TF: variants seen among roughly 807,000 people sequenced by gnomAD.
TF encodes transferrin.
Under a neutral mutation model 82.4 loss-of-function variants are expected in TF, and 55 were observed. The observed-to-expected ratio is 0.67, with a 90% CI of 0.54 to 0.84. The LOEUF is 0.84. TF is among the 40% of genes least tolerant of loss of function. The pLI is 0.00. For missense variants in TF, 737 were observed against 868.4 expected (o/e 0.85, Z 1.90); for synonymous variants, 332 against 332.6 (o/e 1.00, Z 0.02).
At chr3:133,774,992 C>T (rs1934350287) in intron 14 of TF, 6 of 337,176 alleles carry the variant, frequency 1.8e-5, no homozygotes, top group South Asian at 1.5e-4. Context: ...ATTTAAAATT[C>T]TGGTGCAGAT....
chr3:133,733,874 A>C, the TF span, among the ~76,000 whole-genome samples: 101 of 151,246 alleles, frequency 6.7e-4, no homozygotes, highest in Non-Finnish European at 9.1e-4. Flanking sequence ...AAACAAAAAA[A>C]AAAAAAACAT....
Position 133,789,883 on chromosome 3 carries a change from T to C in TF, c.*11263T>C, listed in dbSNP as rs910077613. ...AAACAAAACGATCTCGTTTGCGTTT[T>C]TTTTTTTTTTTTTTTTTTTTTTTTT... On this transcript the variant is annotated 3_prime_UTR_variant, in exon 17 of 17. Transcript: ENST00000402696. 2 of 38,464 alleles carry C rather than the reference T, an allele frequency of 5.2e-5. No homozygotes were observed. Among genetic ancestry groups the C allele is most frequent in the African/African-American group, 1.3e-4 (2 of 15,480 alleles). The allele number at this position is 38,464 out of a possible 1,614,324, so 2.4% of individuals were successfully genotyped here.
rs895586211 is a variant in TF at position 133,783,086 on chromosome 3, G to A, written c.*4466G>A. ...CTAGAGATCTAATGTACAACATAAG[G>A]ACCACAGTATAGGTAATAAATTCTA... On this transcript the variant is annotated 3_prime_UTR_variant, in exon 17 of 17. Transcript: ENST00000402696. 6.6e-6 allele frequency: 1 copy of A among 152,188 alleles called. No individual in the cohort carries two copies. Among genetic ancestry groups the A allele is most frequent in the Non-Finnish European group, 1.5e-5 (1 of 68,046 alleles). The allele number at this position is 152,188 out of a possible 1,614,324, so 9.4% of individuals were successfully genotyped here. A position where few individuals can be genotyped will look rare whatever the true frequency, so the allele number is the denominator to read the frequency against.
At chr3:133,695,613 C>T in the TF span, among the ~76,000 whole-genome samples, 5 of 152,110 alleles carry the variant, frequency 3.3e-5, no homozygotes, top group Non-Finnish European at 7.4e-5. Flanking sequence ...ACTCAAGTTG[C>T]CTTATATCTA....
At chr3:133,704,320 T>A in the TF span, 6 of 224,962 alleles carry the variant, frequency 2.7e-5, no homozygotes, top group Non-Finnish European at 5.9e-5. Context: ...CTACAGTAAG[T>A]GGAGGGGAGT....
At chr3:133,696,769 A>G in the TF span, among the ~76,000 whole-genome samples, 2 of 150,884 alleles carry the variant, frequency 1.3e-5, no homozygotes, top group East Asian at 1.9e-4. Context: ...CATTATTGCC[A>G]TGGACAAAAG....
At chr3:133,686,398 A>G in the TF span, among the ~76,000 whole-genome samples, 1 of 152,260 alleles carries the variant, frequency 6.6e-6, no homozygotes, top group East Asian at 1.9e-4. Flanking sequence ...AACTACCATC[A>G]GAGTGAACAG....
chr3:133,759,712 C>T (rs910601610), intron 9 of TF, among the ~76,000 whole-genome samples: 1 of 152,120 alleles, frequency 6.6e-6, no homozygotes, highest in Non-Finnish European at 1.5e-5. Flanking sequence ...GTATCCTAGC[C>T]TGGCATGGTG....
At chr3:133,669,720 G>A in the TF span, among the ~76,000 whole-genome samples, 11 of 152,326 alleles carry the variant, frequency 7.2e-5, no homozygotes, top group East Asian at 1.3e-3. Context: ...AGCTATGAAA[G>A]TGAACTCCCC....
the TF span, chr3:133,694,168 G>A: frequency 0.023 from 3,516 of 152,976 alleles, 70 homozygotes; most frequent in African/African-American, 0.045. Context: ...ACGACCTGGA[G>A]GTCCCAGCCA....
At chr3:133,714,469 A>T in the TF span, among the ~76,000 whole-genome samples, 1 of 152,334 alleles carries the variant, frequency 6.6e-6, no homozygotes, top group Middle Eastern at 3.4e-3. Context: ...ATTTTCACAG[A>T]TCTACAACAA....
chr3:133,720,746 A>AT, the TF span, among the ~76,000 whole-genome samples: 2 of 152,034 alleles, frequency 1.3e-5, no homozygotes, highest in African/African-American at 4.8e-5. Flanking sequence ...TTGATGGAAG[A>AT]TTTTTTATTA....
Position 133,792,718 on chromosome 3 carries a change from GA to G in TF, c.*14099del, listed in dbSNP as rs1341175007. 6.6e-6 allele frequency: 1 copy of G among 152,114 alleles called. No individual in the cohort carries two copies. The highest frequency in any genetic ancestry group is 1.5e-5 in the Non-Finnish European group (1 of 68,016). 9.4% of individuals were successfully genotyped at this position (152,114 alleles called of 1,614,324 possible). ...GATTATAACAAGGCATGGGAATGTA[GA>G]TTTTTTTTTCTGTCTAAAGGGTTAA... On this transcript the variant is annotated 3_prime_UTR_variant, in exon 17 of 17. Transcript: ENST00000402696.
chr3:133,689,644 AAAT>A, the TF span, among the ~76,000 whole-genome samples: 2 of 152,202 alleles, frequency 1.3e-5, no homozygotes, highest in Non-Finnish European at 2.9e-5. Context: ...TACCATATTT[AAAT>A]AACAGTGATA....
At chr3:133,721,602 T>C in the TF span, among the ~76,000 whole-genome samples, 2 of 152,248 alleles carry the variant, frequency 1.3e-5, no homozygotes, top group Non-Finnish European at 2.9e-5. Flanking sequence ...TAGGCCAATT[T>C]GATCTATGAT....
At chr3:133,717,469 C>A in the TF span, among the ~76,000 whole-genome samples, 1 of 152,214 alleles carries the variant, frequency 6.6e-6, no homozygotes, top group East Asian at 1.9e-4. Context: ...TTCTCCCCTG[C>A]AGGGTGGGTT....
At chr3:133,664,920 G>A in the TF span, 4 of 152,140 alleles carry the variant, frequency 2.6e-5, no homozygotes, top group Middle Eastern at 3.4e-3. Flanking sequence ...GGAAGCTGAG[G>A]TTTCGGTGCT....
rs151219561 is a variant in TF at position 133,766,066 on chromosome 3, G to A, written c.1331-212G>A. Among the ~76,000 whole-genome samples, 15 of 152,322 alleles carry A rather than the reference G, an allele frequency of 9.8e-5. No individual in the cohort carries two copies. In the East Asian group the frequency reaches 1.4e-3, roughly 14 times the overall value. On this transcript the variant is annotated intron_variant, in intron 11 of 16. Transcript: ENST00000402696. ...ACACCCAGCCATTGATCTAATGATG[G>A]TGTTTTCACAATATTTTGTTTTTAA... is the stretch of plus-strand genomic sequence containing the variant.
At chr3:133,761,938 G>C (rs1934005824) in intron 9 of TF, 1 of 161,954 alleles carries the variant, frequency 6.2e-6, no homozygotes, top group Non-Finnish European at 1.4e-5. Context: ...GAGGAAGGTG[G>C]ATACTTTAAT....
Sources: allele counts gnomAD v4.1 joint callset (sites outside exome capture counted in the v4.1 genomes callset), GRCh38; gene constraint gnomAD v4.1.1; transcripts MANE v1.5; gene names NCBI Gene and HGNC (gene_info 2026-07-23, HGNC 2026-07-21).